Variants in SLC4A4 observed in about 807,000 individuals in gnomAD.
SLC4A4 encodes electrogenic sodium bicarbonate cotransporter 1.
SLC4A4 carries 27 observed loss-of-function variants against 111.5 expected under a neutral mutation model. That is an observed-to-expected ratio of 0.24 (90% CI 0.18 to 0.33). The LOEUF (loss-of-function observed/expected upper bound fraction) is 0.33. Ranked by LOEUF, SLC4A4 falls within the 10% of genes least tolerant of loss-of-function variation. SLC4A4 has a pLI of 1.00. For missense variants in SLC4A4, 909 were observed against 1,315.5 expected, an observed-to-expected ratio of 0.69 and a Z score of 4.78; for synonymous variants, 443 against 463.4, an observed-to-expected ratio of 0.96 and a Z score of 0.57.
intron 2 of SLC4A4, among the ~76,000 whole-genome samples, chr4:71,146,193 A>C (rs999811044): frequency 2.6e-5 from 4 of 152,060 alleles, no homozygotes; most frequent in African/African-American, 4.8e-5. Context: ...TTCTGCCTTC[A>C]TTTTATTATG....
At chr4:71,182,187 AC>A (rs1745314311) in intron 2 of SLC4A4, among the ~76,000 whole-genome samples, 1 of 152,174 alleles carries the variant, frequency 6.6e-6, no homozygotes, top group Non-Finnish European at 1.5e-5. Flanking sequence ...TGAATGGATG[AC>A]CCAACCATGC....
chr4:71,135,736 C>A (rs1294393776), intron 2 of SLC4A4, among the ~76,000 whole-genome samples: 1 of 152,076 alleles, frequency 6.6e-6, no homozygotes, highest in African/African-American at 2.4e-5. Context: ...CCAATCCCCA[C>A]CACCCCACCC....
rs1354602272 is a variant in SLC4A4, at chr4:71,395,965, GGTTTT to G, written c.731-1606_731-1602del. Among the ~76,000 whole-genome samples, 29 of 152,142 alleles carry G rather than the reference GGTTTT, an allele frequency of 1.9e-4. No individual in the cohort carries two copies. In the East Asian group the frequency reaches 5.4e-3, roughly 28 times the overall value. On this transcript the variant is annotated intron_variant, in intron 6 of 25. Transcript: ENST00000264485. ...TTTTACTCAGTTAGTCCAAATAGCTGGTTTTGTTTTTAAATGTCAAGTGCAAAATT... is the reference window on the plus strand; with the variant it reads ...TTTTACTCAGTTAGTCCAAATAGCTGGTTTTTAAATGTCAAGTGCAAAATT...
intron 12 of SLC4A4, among the ~76,000 whole-genome samples, chr4:71,457,056 C>T (rs4130912): frequency 0.14 from 21,813 of 152,084 alleles, 1,858 homozygotes; most frequent in South Asian, 0.29. Flanking sequence ...TACAAATAGA[C>T]ATGGGTGCTG....
intron 22 of SLC4A4, among the ~76,000 whole-genome samples, chr4:71,558,593 T>A (rs1374045657): frequency 1.3e-5 from 2 of 151,948 alleles, no homozygotes; most frequent in Non-Finnish European, 2.9e-5. Flanking sequence ...AAAATGCATA[T>A]ATGTACACTT....
chr4:71,214,263 G>A (rs1434417648), intron 1 of SLC4A4, among the ~76,000 whole-genome samples: 2 of 152,162 alleles, frequency 1.3e-5, no homozygotes, highest in East Asian at 3.9e-4. Flanking sequence ...CTCAGCCTAG[G>A]ATGACGCTGG....
intron 13 of SLC4A4, among the ~76,000 whole-genome samples, chr4:71,472,477 C>T (rs944569796): frequency 6.6e-5 from 10 of 151,906 alleles, no homozygotes; most frequent in African/African-American, 1.2e-4. Flanking sequence ...GATATAACTA[C>T]TTTCAATGCA....
chr4:71,337,278 C>A (rs1448057856), intron 3 of SLC4A4, among the ~76,000 whole-genome samples: 1 of 152,120 alleles, frequency 6.6e-6, no homozygotes, highest in Admixed American at 6.5e-5. Context: ...ACATATCAGA[C>A]TGAGCACCGT....
intron 1 of SLC4A4, among the ~76,000 whole-genome samples, chr4:71,065,332 G>A (rs574649602): frequency 4.9e-5 from 7 of 143,944 alleles, no homozygotes; most frequent in East Asian, 1.9e-4. Flanking sequence ...TTTGCCCATC[G>A]TCATCCAGTC....
intron 3 of SLC4A4, among the ~76,000 whole-genome samples, chr4:71,327,529 A>G (rs769101725): frequency 3.3e-5 from 5 of 152,036 alleles, no homozygotes; most frequent in African/African-American, 4.8e-5. Flanking sequence ...TAATAAAAGT[A>G]ACTATTTCAT....
rs1169832610 is a variant in SLC4A4 at position 71,569,200 on chromosome 4, TC to T, written c.*1451del. On this transcript the variant is annotated 3_prime_UTR_variant, in exon 26 of 26. Transcript: ENST00000264485. Reference sequence around the variant, plus strand: ...ATCCATTAAGGGTCCAAGAAGTCTGTCCATATGAAAATGAGGGTAAATATAG... The same window carrying T: ...ATCCATTAAGGGTCCAAGAAGTCTGTCATATGAAAATGAGGGTAAATATAG... 1 of 151,640 alleles carries T rather than the reference TC, an allele frequency of 6.6e-6. No individual in the cohort carries two copies. The highest frequency in any genetic ancestry group is 1.5e-5 in the Non-Finnish European group (1 of 67,774). 9.4% of individuals were successfully genotyped at this position (151,640 alleles called of 1,614,324 possible). A position where few individuals can be genotyped will look rare whatever the true frequency, so the allele number is the denominator to read the frequency against.
chr4:71,345,776 C>A (rs1292670903), intron 4 of SLC4A4, among the ~76,000 whole-genome samples: 1 of 151,994 alleles, frequency 6.6e-6, no homozygotes, highest in African/African-American at 2.4e-5. Context: ...TATTTCAGGC[C>A]AAGTTAATTT....
At chr4:71,294,018 G>T (rs1254706080) in intron 3 of SLC4A4, among the ~76,000 whole-genome samples, 2 of 152,120 alleles carry the variant, frequency 1.3e-5, no homozygotes, top group African/African-American at 4.8e-5. Flanking sequence ...AAAAGTGAAG[G>T]TCTTCAGTTC....
At chr4:71,118,213 CT>C (rs2148955068) in intron 2 of SLC4A4, among the ~76,000 whole-genome samples, 1 of 152,228 alleles carries the variant, frequency 6.6e-6, no homozygotes, top group East Asian at 1.9e-4. Context: ...TTTCTTATTG[CT>C]TTTTTACCTT....
intron 14 of SLC4A4, among the ~76,000 whole-genome samples, chr4:71,477,377 T>C (rs1361409570): frequency 6.6e-6 from 1 of 151,772 alleles, no homozygotes; most frequent in Non-Finnish European, 1.5e-5. Context: ...TCTTTAAAGA[T>C]TTCAAACATT....
intron 1 of SLC4A4, among the ~76,000 whole-genome samples, chr4:71,200,122 A>G (rs994119328): frequency 1.3e-5 from 2 of 152,276 alleles, no homozygotes; most frequent in South Asian, 2.1e-4. Flanking sequence ...CAGAACCCCT[A>G]TGGCTTGGGG....
At chr4:71,506,123 C>T (rs1731395465) in intron 16 of SLC4A4, among the ~76,000 whole-genome samples, 1 of 152,062 alleles carries the variant, frequency 6.6e-6, no homozygotes, top group African/African-American at 2.4e-5. Context: ...TAGCATGATG[C>T]CTCCAGCATT....
chr4:71,199,009 A>T (rs930981929), intron 1 of SLC4A4, among the ~76,000 whole-genome samples: 2 of 152,226 alleles, frequency 1.3e-5, no homozygotes, highest in African/African-American at 4.8e-5. Flanking sequence ...GACATTTGGT[A>T]AATAGACCTA....
intron 3 of SLC4A4, among the ~76,000 whole-genome samples, chr4:71,312,462 A>T (rs1055475797): frequency 2.6e-5 from 4 of 152,204 alleles, no homozygotes; most frequent in Admixed American, 2.6e-4. Flanking sequence ...TGGCAGAGAC[A>T]CAACAAGAAA....
Sources: allele counts gnomAD v4.1 joint callset (sites outside exome capture counted in the v4.1 genomes callset), GRCh38; gene constraint gnomAD v4.1.1; transcripts MANE v1.5; gene names NCBI Gene and HGNC (gene_info 2026-07-23, HGNC 2026-07-21).